Variants in ABHD17C observed in about 807,000 individuals in gnomAD.
The protein encoded by ABHD17C is alpha/beta hydrolase domain-containing protein 17C.
Under a neutral mutation model 27.9 loss-of-function variants are expected in ABHD17C, and 11 were observed. The ratio of observed to expected loss-of-function variants is 0.39; its 90% CI spans 0.25 to 0.65. The LOEUF (loss-of-function observed/expected upper bound fraction) is 0.65. ABHD17C is among the 30% of genes least tolerant of loss of function. ABHD17C has a pLI of 0.45. For synonymous variants in ABHD17C, 233 were observed against 209.1 expected, an observed-to-expected ratio of 1.11 and a Z score of -0.98; for missense variants, 280 against 470.2, an observed-to-expected ratio of 0.60 and a Z score of 3.74.
At chr15:80,748,341 C>T (rs985417094) in intron 1 of ABHD17C, among the ~76,000 whole-genome samples, 1 of 152,218 alleles carries the variant, frequency 6.6e-6, no homozygotes, top group Non-Finnish European at 1.5e-5. Context: ...CGGGCTTCAA[C>T]TTTTCCAGAT....
chr15:80,710,433 G>A (rs559503619), intron 1 of ABHD17C, among the ~76,000 whole-genome samples: 258 of 152,288 alleles, frequency 1.7e-3, no homozygotes, highest in Middle Eastern at 0.01. Flanking sequence ...TTTGACTTAG[G>A]TTTTGGAAGG....
At chr15:80,704,885 G>T (rs958851296) in intron 1 of ABHD17C, 2 of 152,272 alleles carry the variant, frequency 1.3e-5, no homozygotes, top group African/African-American at 2.4e-5. Flanking sequence ...TTGAGACCAC[G>T]TGTGTGTGGG....
intron 1 of ABHD17C, among the ~76,000 whole-genome samples, chr15:80,742,357 G>C (rs538291199): frequency 6.6e-6 from 1 of 152,308 alleles, no homozygotes; most frequent in East Asian, 1.9e-4. Flanking sequence ...AAGTGGGCAG[G>C]GGAAGGATAC....
At chr15:80,717,001 A>C (rs1894812308) in intron 1 of ABHD17C, among the ~76,000 whole-genome samples, 1 of 152,228 alleles carries the variant, frequency 6.6e-6, no homozygotes. Context: ...AAGATGAACA[A>C]ATAGCCTGCT....
At chr15:80,708,296 T>C (rs774263573) in intron 1 of ABHD17C, among the ~76,000 whole-genome samples, 11 of 147,794 alleles carry the variant, frequency 7.4e-5, no homozygotes, top group Middle Eastern at 3.6e-3. Context: ...CTCTATTTTT[T>C]TGTTTTGTTT....
chr15:80,732,294 T>G (rs1401190066), intron 1 of ABHD17C, among the ~76,000 whole-genome samples: 1 of 152,218 alleles, frequency 6.6e-6, no homozygotes, highest in Non-Finnish European at 1.5e-5. Context: ...ACTACCTCAA[T>G]TCAGCGATGC....
rs184819011 is a variant in ABHD17C, at chr15:80,739,868, C to T, written c.591-9645C>T. 2.5e-4 allele frequency among the ~76,000 whole-genome samples: 38 copies of T among 150,874 alleles called. No individual in the cohort carries two copies. The East Asian group carries it at 6.6e-3, about 26-fold the overall frequency. On this transcript the variant is annotated intron_variant, in intron 1 of 2. Transcript: ENST00000258884. ...TTTACAGGTGGGCTGCTGAGTTCTC[C>T]CTAACTCAAATCTTTTCCCTTTTGG...
At chr15:80,752,164 G>C (rs1025824197) in intron 2 of ABHD17C, among the ~76,000 whole-genome samples, 5 of 152,190 alleles carry the variant, frequency 3.3e-5, no homozygotes, top group African/African-American at 9.7e-5. Flanking sequence ...CAGGCCCATT[G>C]TAACTGTTGA....
chr15:80,725,773 G>C (rs1894964302), intron 1 of ABHD17C, among the ~76,000 whole-genome samples: 1 of 152,234 alleles, frequency 6.6e-6, no homozygotes, highest in Admixed American at 6.5e-5. Context: ...GCCTCCCAAA[G>C]CTCTGGGATT....
At chr15:80,697,747 A>G (rs1261191588) in intron 1 of ABHD17C, among the ~76,000 whole-genome samples, 2 of 152,148 alleles carry the variant, frequency 1.3e-5, no homozygotes, top group Non-Finnish European at 2.9e-5. Flanking sequence ...GAATTATCTG[A>G]TGGTATGTCT....
chr15:80,721,518 T>C (rs2141503119), intron 1 of ABHD17C, among the ~76,000 whole-genome samples: 1 of 152,320 alleles, frequency 6.6e-6, no homozygotes, highest in South Asian at 2.1e-4. Context: ...GCTAGAGGTA[T>C]TGAACATTAA....
rs373465567 is a variant in ABHD17C at position 80,701,872 on chromosome 15, C to A, written c.590+5853C>A. On this transcript the variant is annotated intron_variant, in intron 1 of 2. Coordinates refer to ENST00000258884, the MANE Select transcript of ABHD17C (RefSeq NM_021214.2). The stretch of plus-strand genomic sequence containing the variant: ...TCCGTTTTGGGGATCCACTCAGAGC[C>A]CTTCTCTTTGGTCCACCTTCAGCCT... Among the ~76,000 whole-genome samples the A allele has an allele frequency of 8.0e-4, 121 of 152,174 alleles. 1 individual carries two copies. The highest frequency in any genetic ancestry group is 2.6e-3 in the African/African-American group (109 of 41,522).
At chr15:80,728,836 C>T (rs1230216914) in intron 1 of ABHD17C, among the ~76,000 whole-genome samples, 1 of 152,180 alleles carries the variant, frequency 6.6e-6, no homozygotes, top group East Asian at 1.9e-4. Context: ...GTCTCGAACT[C>T]CTTCGTTCAA....
chr15:80,740,865 G>A (rs1464757087), intron 1 of ABHD17C, among the ~76,000 whole-genome samples: 2 of 152,162 alleles, frequency 1.3e-5, no homozygotes, highest in East Asian at 1.9e-4. Context: ...TCACTGGTGA[G>A]AATGACCTTT....
chr15:80,726,606 GC>G (rs1442159448), intron 1 of ABHD17C, among the ~76,000 whole-genome samples: 4 of 123,232 alleles, frequency 3.2e-5, no homozygotes, highest in Non-Finnish European at 6.3e-5. Flanking sequence ...CCGCCCCCCC[GC>G]GTTCACACCA....
chr15:80,721,055 T>C (rs1894891134), intron 1 of ABHD17C, among the ~76,000 whole-genome samples: 1 of 152,114 alleles, frequency 6.6e-6, no homozygotes, highest in Non-Finnish European at 1.5e-5. Flanking sequence ...TTTTCATAGG[T>C]GTCTTTTATT....
intron 1 of ABHD17C, among the ~76,000 whole-genome samples, chr15:80,729,018 T>C (rs1895021038): frequency 6.6e-6 from 1 of 152,238 alleles, no homozygotes; most frequent in African/African-American, 2.4e-5. Context: ...GCCATTCTTA[T>C]TTTAGAGTAG....
Position 80,755,523 on chromosome 15 carries a change from T to C in ABHD17C, c.*1153T>C, listed in dbSNP as rs1205007378. ...CCTTAAATGTACTGTAAGCCTCAGATCGTTGTACAACTGGACTGCGGTTGA... is the reference window on the plus strand; with the variant it reads ...CCTTAAATGTACTGTAAGCCTCAGACCGTTGTACAACTGGACTGCGGTTGA... On this transcript the variant is annotated 3_prime_UTR_variant, in exon 3 of 3. Coordinates refer to ENST00000258884, the MANE Select transcript of ABHD17C (RefSeq NM_021214.2). The C allele has an allele frequency of 1.3e-5, 2 of 152,268 alleles. No individual in the cohort carries two copies. The highest frequency in any genetic ancestry group is 1.3e-4 in the Admixed American group (2 of 15,292). The allele number at this position is 152,268 out of a possible 1,614,324, so 9.4% of individuals were successfully genotyped here. A position where few individuals can be genotyped will look rare whatever the true frequency, so the allele number is the denominator to read the frequency against.
chr15:80,724,212 C>T (rs1371900984), intron 1 of ABHD17C, among the ~76,000 whole-genome samples: 2 of 151,922 alleles, frequency 1.3e-5, no homozygotes, highest in Non-Finnish European at 2.9e-5. Flanking sequence ...TGTGGTGGGG[C>T]ATGCCTTTAA....
Sources: gnomAD v4.1 joint callset for allele counts (sites outside exome capture counted in the v4.1 genomes callset) on GRCh38, gnomAD v4.1.1 for gene constraint, MANE v1.5 for transcripts, NCBI Gene and HGNC (gene_info 2026-07-23, HGNC 2026-07-21) for gene names.